STX19: variants seen among roughly 807,000 people sequenced by gnomAD.
STX19 encodes syntaxin-19.
A neutral mutation model predicts 24.3 loss-of-function variants in STX19; 26 were observed. The ratio of observed to expected loss-of-function variants is 1.07; its 90% confidence interval spans 0.78 to 1.48. The LOEUF is 1.48. Among genes scored for constraint, STX19 ranks in the 40% most tolerant of loss-of-function variants. The pLI is 0.00. For missense variants in STX19, 367 were observed against 331.9 expected (o/e 1.11, Z -0.82); for synonymous variants, 116 against 106.9 (o/e 1.09, Z -0.52).
At chr3:94,027,323 T>C (rs1052256539) in intron 1 of STX19, among the ~76,000 whole-genome samples, 5 of 152,064 alleles carry the variant, frequency 3.3e-5, no homozygotes, top group African/African-American at 1.2e-4. Flanking sequence ...ATTGCATATA[T>C]TGTCTAATTT....
intron 1 of STX19, among the ~76,000 whole-genome samples, chr3:94,021,570 T>A (rs2076449707): frequency 6.6e-6 from 1 of 152,178 alleles, no homozygotes; most frequent in Non-Finnish European, 1.5e-5. Flanking sequence ...GGAAGTAATG[T>A]GGAAACTTTT....
At chr3:94,027,003 A>T (rs2076571395) in intron 1 of STX19, among the ~76,000 whole-genome samples, 1 of 152,142 alleles carries the variant, frequency 6.6e-6, no homozygotes, top group African/African-American at 2.4e-5. Context: ...AAACAGAAAC[A>T]TGAGTAAAAA....
At chr3:94,020,298 T>C (rs1032050313) in intron 1 of STX19, among the ~76,000 whole-genome samples, 5 of 152,204 alleles carry the variant, frequency 3.3e-5, no homozygotes, top group African/African-American at 1.2e-4. Context: ...TATGTTCTTA[T>C]AAGAACAAGT....
intron 1 of STX19, among the ~76,000 whole-genome samples, chr3:94,024,429 A>G (rs1263111505): frequency 2.0e-5 from 3 of 152,246 alleles, no homozygotes; most frequent in Admixed American, 6.5e-5. Flanking sequence ...TATTTATACA[A>G]TGGTTCAGTA....
Position 94,014,552 on chromosome 3 carries a change from C to T in STX19, c.718G>A (p.Val240Ile). 1 of 1,612,726 alleles carries T rather than the reference C, an allele frequency of 6.2e-7. No homozygotes were observed. The highest frequency in any genetic ancestry group is 8.5e-7 in the Non-Finnish European group (1 of 1,179,674). ...RDLFIQISLL[V>I]EEQGESINNI... is the part of the protein sequence containing the mutation. ...TTGATGCTCTCTCCTTGTTCCTCTA[C>T]TAAAAGAGATATCTGAATGAAAAGA... The change falls in exon 2 of 2, where the codon GTA becomes ATA. Residue 240 changes from valine to isoleucine, a missense_variant. Transcript: ENST00000315099.
At chr3:94,022,933 T>A (rs1370892746) in intron 1 of STX19, among the ~76,000 whole-genome samples, 1 of 151,994 alleles carries the variant, frequency 6.6e-6, no homozygotes, top group Non-Finnish European at 1.5e-5. Context: ...GAACATATCC[T>A]CTTGACATAT....
At chr3:94,018,891 G>T (rs576584624) in intron 1 of STX19, among the ~76,000 whole-genome samples, 2 of 151,976 alleles carry the variant, frequency 1.3e-5, no homozygotes, top group Non-Finnish European at 2.9e-5. Flanking sequence ...TCAGCCTCCC[G>T]AGTGGCTGGG....
At chr3:94,025,159 C>T (rs1258853297) in intron 1 of STX19, among the ~76,000 whole-genome samples, 1 of 151,234 alleles carries the variant, frequency 6.6e-6, no homozygotes, top group East Asian at 1.9e-4. Context: ...TGAACATGCA[C>T]CACACTTTTA....
chr3:94,016,709 C>T (rs958338957), intron 1 of STX19, among the ~76,000 whole-genome samples: 2 of 148,894 alleles, frequency 1.3e-5, no homozygotes, highest in Admixed American at 6.8e-5. Flanking sequence ...TGCAGTGGTG[C>T]GACCTCAGCT....
At chr3:94,021,298 G>A (rs1282433050) in intron 1 of STX19, among the ~76,000 whole-genome samples, 2 of 151,538 alleles carry the variant, frequency 1.3e-5, no homozygotes, top group African/African-American at 2.4e-5. Context: ...GGTTCGAAGC[G>A]ATTCTCCTGC....
chr3:94,017,873 G>A (rs75793700), intron 1 of STX19, among the ~76,000 whole-genome samples: 2,456 of 152,234 alleles, frequency 0.016, 74 homozygotes, highest in African/African-American at 0.056. Context: ...CAAAGTGAAT[G>A]TAGATAGAAA....
chr3:94,025,828 A>G (rs2076544567), intron 1 of STX19, among the ~76,000 whole-genome samples: 1 of 152,146 alleles, frequency 6.6e-6, no homozygotes, highest in Non-Finnish European at 1.5e-5. Context: ...CTGTCTTTGT[A>G]TACAGATTAT....
chr3:94,017,356 A>C (rs2076354933), intron 1 of STX19, among the ~76,000 whole-genome samples: 1 of 152,202 alleles, frequency 6.6e-6, no homozygotes, highest in Non-Finnish European at 1.5e-5. Flanking sequence ...AAGACTTTTC[A>C]AACAAATATT....
intron 1 of STX19, among the ~76,000 whole-genome samples, chr3:94,021,184 A>T (rs12637356): frequency 0.012 from 1,768 of 146,698 alleles, 133 homozygotes; most frequent in Admixed American, 0.1. Flanking sequence ...TAATATTATT[A>T]TATATATATA....
At chr3:94,021,960 T>C (rs1365259140) in intron 1 of STX19, among the ~76,000 whole-genome samples, 1 of 152,012 alleles carries the variant, frequency 6.6e-6, no homozygotes. Context: ...TCTAAAGATA[T>C]ATATCTGACC....
intron 1 of STX19, among the ~76,000 whole-genome samples, chr3:94,024,049 C>A (rs1222667648): frequency 6.6e-6 from 1 of 152,176 alleles, no homozygotes; most frequent in Non-Finnish European, 1.5e-5. Flanking sequence ...ATATTTTCTT[C>A]TGCTTCAACT....
intron 1 of STX19, among the ~76,000 whole-genome samples, chr3:94,017,992 G>A (rs1245450256): frequency 6.6e-6 from 1 of 152,178 alleles, no homozygotes; most frequent in African/African-American, 2.4e-5. Context: ...TCTAGGTGCA[G>A]TAGAAGACAG....
intron 1 of STX19, among the ~76,000 whole-genome samples, chr3:94,021,826 G>T (rs867301605): frequency 6.6e-6 from 1 of 152,086 alleles, no homozygotes; most frequent in African/African-American, 2.4e-5. Context: ...CCAAAGTGTT[G>T]AAGATACCAT....
rs1387845273 is a variant in STX19 at position 94,015,239 on chromosome 3, T to C, written c.31A>G (p.Arg11Gly). MKDRLQELKQ[R>G]TKEIELSRDS... ...CTAGAGAGTTCAATTTCCTTTGTTC[T>C]CTGCTTTAGTTCTTGAAGTCGGTCT... The change falls in exon 2 of 2, where the codon AGA (arginine) becomes GGA (glycine). Residue 11 changes from arginine (R) to glycine (G), a missense_variant. Physicochemically the swap from Arg to Gly is moderately radical, Grantham distance 125. Transcript: ENST00000315099. 6.4e-7 allele frequency: 1 copy of C among 1,566,412 alleles called. No homozygotes were observed. Among genetic ancestry groups the C allele is most frequent in the Non-Finnish European group, 8.6e-7 (1 of 1,161,092 alleles).
Sources: allele counts gnomAD v4.1 joint callset (sites outside exome capture counted in the v4.1 genomes callset), GRCh38; gene constraint gnomAD v4.1.1; transcripts MANE v1.5; gene names NCBI Gene and HGNC (gene_info 2026-07-23, HGNC 2026-07-21).